KLHL29: variants seen among roughly 807,000 people sequenced by gnomAD.
KLHL29 encodes kelch-like protein 29.
In KLHL29, 21 loss-of-function variants were observed where a neutral mutation model predicts 80.4. The observed-to-expected ratio is 0.26, with a 90% CI of 0.19 to 0.38. The LOEUF (loss-of-function observed/expected upper bound fraction) is 0.38, where lower values mean the gene tolerates loss of function less well. Among genes scored for constraint, KLHL29 ranks in the 10% least tolerant of loss-of-function variants. The pLI is 1.00. For synonymous variants in KLHL29, 511 were observed against 526.8 expected (o/e 0.97, Z 0.41); for missense variants, 867 against 1,223.9 (o/e 0.71, Z 4.35).
intron 2 of KLHL29, among the ~76,000 whole-genome samples, chr2:23,533,963 G>A (rs934372): frequency 0.61 from 91,311 of 150,132 alleles, 27,711 homozygotes; most frequent in Middle Eastern, 0.72. Flanking sequence ...AAACGTGTGC[G>A]CTATGAGGTG....
chr2:23,595,126 A>G (rs1443751077), intron 3 of KLHL29, among the ~76,000 whole-genome samples: 1 of 152,066 alleles, frequency 6.6e-6, no homozygotes, highest in Non-Finnish European at 1.5e-5. Context: ...CACTTTTCCT[A>G]ACTTTGGTTC....
chr2:23,523,185 A>G (rs970089885), intron 2 of KLHL29, among the ~76,000 whole-genome samples: 1 of 152,124 alleles, frequency 6.6e-6, no homozygotes, highest in Non-Finnish European at 1.5e-5. Flanking sequence ...AAGCTTTGCC[A>G]CCTGGGTGCC....
rs558451521 is a variant in KLHL29, at chr2:23,585,028, C to T, written c.285+22547C>T. On this transcript the variant is annotated intron_variant, in intron 3 of 13. Coordinates refer to ENST00000486442, the MANE Select transcript of KLHL29 (RefSeq NM_052920.2). ...TGGGATTACAGGCATGAACCACCAC[C>T]GCCAGCCTACTCAGTCTTTAAAATA... Among the ~76,000 whole-genome samples the T allele has an allele frequency of 1.6e-3, 240 of 152,264 alleles. 1 individual carries two copies. The highest frequency in any genetic ancestry group is 5.4e-3 in the African/African-American group (223 of 41,528).
At chr2:23,451,249 C>T (rs1347120497) in intron 1 of KLHL29, among the ~76,000 whole-genome samples, 2 of 152,152 alleles carry the variant, frequency 1.3e-5, no homozygotes, top group South Asian at 4.1e-4. Flanking sequence ...GTGATCACTC[C>T]CATAGAACTC....
intron 5 of KLHL29, among the ~76,000 whole-genome samples, chr2:23,663,102 T>C (rs1381530424): frequency 6.6e-6 from 1 of 152,098 alleles, no homozygotes; most frequent in African/African-American, 2.4e-5. Flanking sequence ...TTCAAAGTGC[T>C]GGGCTTCCCC....
At chr2:23,666,424 C>G (rs1285724765) in intron 5 of KLHL29, among the ~76,000 whole-genome samples, 1 of 152,144 alleles carries the variant, frequency 6.6e-6, no homozygotes, top group East Asian at 1.9e-4. Flanking sequence ...GGGGAGGACA[C>G]TATAGTGTGC....
intron 5 of KLHL29, among the ~76,000 whole-genome samples, chr2:23,658,600 G>A (rs1383104781): frequency 1.3e-5 from 2 of 152,302 alleles, no homozygotes; most frequent in East Asian, 3.9e-4. Flanking sequence ...GTCCATGAGG[G>A]GCCATCTCGT....
intron 1 of KLHL29, among the ~76,000 whole-genome samples, chr2:23,391,431 GTTTTC>G (rs1462353317): frequency 6.6e-6 from 1 of 152,058 alleles, no homozygotes; most frequent in Non-Finnish European, 1.5e-5. Flanking sequence ...CTATTTTGAT[GTTTTC>G]TTTGTTTTGA....
intron 5 of KLHL29, among the ~76,000 whole-genome samples, chr2:23,679,676 G>A (rs1458458013): frequency 6.8e-6 from 1 of 147,434 alleles, no homozygotes; most frequent in Non-Finnish European, 1.5e-5. Flanking sequence ...ATAAAACATA[G>A]TCTAGTGCAG....
chr2:23,455,605 A>ATTTTT (rs397873479), intron 1 of KLHL29, among the ~76,000 whole-genome samples: 5 of 105,986 alleles, frequency 4.7e-5, no homozygotes, highest in South Asian at 3.4e-4. Context: ...TGGTCTCCTG[A>ATTTTT]TTTTTTTTTT....
intron 2 of KLHL29, among the ~76,000 whole-genome samples, chr2:23,516,907 T>C (rs1665949592): frequency 6.6e-6 from 1 of 152,144 alleles, no homozygotes; most frequent in Admixed American, 6.5e-5. Flanking sequence ...AAGTCTTGCG[T>C]GTGGTGTCCC....
intron 1 of KLHL29, among the ~76,000 whole-genome samples, chr2:23,421,546 GTGTGTGTGTGTGTGTGTGTCTGTAGC>G (rs1262752833): frequency 1.2e-4 from 18 of 146,860 alleles, no homozygotes; most frequent in African/African-American, 4.5e-4. Context: ...GTGTGTGTGT[GTGTGTGTGTGTGTGTGTGTCTGTAGC>G]TGTGTGTGTC....
chr2:23,470,661 A>G (rs1664472017), intron 1 of KLHL29, among the ~76,000 whole-genome samples: 1 of 152,192 alleles, frequency 6.6e-6, no homozygotes, highest in Non-Finnish European at 1.5e-5. Flanking sequence ...TACAGCCTAC[A>G]AAAAGCATGC....
chr2:23,528,187 A>T (rs1666383718), intron 2 of KLHL29, among the ~76,000 whole-genome samples: 1 of 152,238 alleles, frequency 6.6e-6, no homozygotes, highest in African/African-American at 2.4e-5. Context: ...TTGAGAAAAG[A>T]AATGGTAATT....
At chr2:23,560,922 G>A (rs1329030446) in intron 2 of KLHL29, among the ~76,000 whole-genome samples, 1 of 152,250 alleles carries the variant, frequency 6.6e-6, no homozygotes, top group African/African-American at 2.4e-5. Context: ...AAATAAAGTG[G>A]CCCGTCTGTC....
At position 23,693,483 on chromosome 2, in the gene KLHL29, G is replaced by C; in HGVS notation, c.1497G>C (p.Glu499Asp). The change falls in exon 8 of 14, where the codon GAG becomes GAC. Residue 499 changes from glutamate (E) to aspartate (D), a missense_variant. Transcript: ENST00000486442. ...LNTKAEELVY[E>D]TVIKWIKKDP... ...CCAAGGCTGAGGAGCTGGTGTACGA[G>C]ACAGTCATCAAGTGGATCAAGAAGG... The C allele has an allele frequency of 6.4e-7, 1 of 1,551,692 alleles. No individual in the cohort carries two copies. The highest frequency in any genetic ancestry group is 8.7e-7 in the Non-Finnish European group (1 of 1,146,948).
intron 2 of KLHL29, among the ~76,000 whole-genome samples, chr2:23,506,812 G>T (rs1258622481): frequency 6.6e-6 from 1 of 152,194 alleles, no homozygotes; most frequent in Non-Finnish European, 1.5e-5. Flanking sequence ...AACCTGAACA[G>T]CCTGACTCCT....
At chr2:23,416,611 C>G (rs181951178) in intron 1 of KLHL29, among the ~76,000 whole-genome samples, 1 of 152,240 alleles carries the variant, frequency 6.6e-6, no homozygotes, top group Non-Finnish European at 1.5e-5. Flanking sequence ...GTTCTCATCT[C>G]TCTGTCAATA....
intron 2 of KLHL29, among the ~76,000 whole-genome samples, chr2:23,539,431 CCTTTTTTTTTTTTT>C (rs1666772009): frequency 3.7e-5 from 4 of 107,216 alleles, no homozygotes; most frequent in Non-Finnish European, 7.5e-5. Context: ...TATCCTGCCT[CCTTTTTTTTTTTTT>C]TTTTTTTTTT....
Sources: allele counts gnomAD v4.1 joint callset (sites outside exome capture counted in the v4.1 genomes callset), GRCh38; gene constraint gnomAD v4.1.1; transcripts MANE v1.5; gene names NCBI Gene and HGNC (gene_info 2026-07-23, HGNC 2026-07-21).